The following ATG16L1 variants were observed in gnomAD, a reference collection of about 807,000 sequenced individuals.
ATG16L1 encodes autophagy-related protein 16-1.
Under a neutral mutation model 88.5 loss-of-function variants are expected in ATG16L1, and 37 were observed. That is an observed-to-expected ratio of 0.42 (90% CI 0.32 to 0.55). The LOEUF (loss-of-function observed/expected upper bound fraction) is 0.55. Among genes scored for constraint, ATG16L1 ranks in the 20% least tolerant of loss-of-function variants. The pLI is 0.13. For missense variants in ATG16L1, 554 were observed against 752.8 expected (o/e 0.74, Z 3.09); for synonymous variants, 301 against 281.0 (o/e 1.07, Z -0.71).
chr2:233,271,839 C>A (rs987050316), intron 6 of ATG16L1, among the ~76,000 whole-genome samples: 5 of 152,216 alleles, frequency 3.3e-5, no homozygotes, highest in African/African-American at 9.6e-5. Flanking sequence ...AACCTAGATC[C>A]CTGGGAAAGC....
At chr2:233,292,078 G>A in intron 14 of ATG16L1, 50 bp from the exon 15 acceptor site, 1 of 1,594,894 alleles carries the variant, frequency 6.3e-7, no homozygotes. Context: ...GGCATGATGT[G>A]AAGTAGTTCT....
At chr2:233,273,364 A>T (rs772901191) in intron 7 of ATG16L1, 2 of 493,098 alleles carry the variant, frequency 4.1e-6, no homozygotes, top group Non-Finnish European at 7.2e-6. Context: ...TTTCATTCTT[A>T]CTAGGGCTTC....
At chr2:233,281,226 C>T (rs147955017) in intron 11 of ATG16L1, 51 bp downstream of exon 11, 3 of 1,341,796 alleles carry the variant, frequency 2.2e-6, no homozygotes, top group Admixed American at 2.4e-5. Context: ...TAATTTAAGA[C>T]ATTAGGTTCT....
intron 12 of ATG16L1, among the ~76,000 whole-genome samples, chr2:233,287,643 C>T (rs6753686): frequency 0.091 from 13,923 of 152,178 alleles, 802 homozygotes; most frequent in African/African-American, 0.15. Context: ...TTTGGGAAGC[C>T]GAGGCAGGCG....
chr2:233,251,799 G>T lies in ATG16L1; in HGVS notation c.-29G>T, dbSNP rs1291174068. On this transcript the variant is annotated 5_prime_UTR_variant, in exon 1 of 18. Coordinates refer to ENST00000392017, the MANE Select transcript of ATG16L1 (RefSeq NM_030803.7). ...GCCGTCAGCCCTCGCTCGCATTGGT[G>T]GCGCTGAGGTGCCGGGGCAGCAAGT... is the stretch of plus-strand genomic sequence containing the variant. 1.3e-6 allele frequency: 2 copies of T among 1,542,752 alleles called. No individual in the cohort carries two copies. Among genetic ancestry groups the T allele is most frequent in the Non-Finnish European group, 8.8e-7 (1 of 1,141,078 alleles).
intron 5 of ATG16L1, among the ~76,000 whole-genome samples, chr2:233,268,020 T>C (rs1389263493): frequency 6.6e-6 from 1 of 152,246 alleles, no homozygotes; most frequent in African/African-American, 2.4e-5. Flanking sequence ...CCAGCTTAGA[T>C]GTCCCTCATC....
At chr2:233,275,346 G>T in intron 9 of ATG16L1, 1 of 225,180 alleles carries the variant, frequency 4.4e-6, no homozygotes, top group Non-Finnish European at 9.0e-6. Context: ...GAACCAGCCT[G>T]GGGAAACATT....
intron 5 of ATG16L1, among the ~76,000 whole-genome samples, chr2:233,268,639 A>T (rs1253730077): frequency 6.6e-6 from 1 of 152,230 alleles, no homozygotes; most frequent in Non-Finnish European, 1.5e-5. Context: ...AGTGGTACTC[A>T]CACACCTTAT....
At chr2:233,265,350 A>G (rs1697488971) in intron 5 of ATG16L1, among the ~76,000 whole-genome samples, 1 of 152,272 alleles carries the variant, frequency 6.6e-6, no homozygotes, top group Admixed American at 6.5e-5. Flanking sequence ...ATTCTTCCCC[A>G]TAATTTTGTG....
intron 12 of ATG16L1, chr2:233,288,978 A>G (rs1412959161): frequency 4.0e-6 from 2 of 497,134 alleles, no homozygotes; most frequent in Admixed American, 2.0e-5. Context: ...AATTGTTTAC[A>G]TAAGGAGTCC....
chr2:233,256,492 T>G (rs1292971582), intron 2 of ATG16L1, among the ~76,000 whole-genome samples: 1 of 152,180 alleles, frequency 6.6e-6, no homozygotes, highest in African/African-American at 2.4e-5. Flanking sequence ...CATGTTTTTT[T>G]GTTTCTTTGT....
At chr2:233,255,598 A>G (rs1258057772) in intron 1 of ATG16L1, among the ~76,000 whole-genome samples, 1 of 152,184 alleles carries the variant, frequency 6.6e-6, no homozygotes, top group African/African-American at 2.4e-5. Flanking sequence ...CCACTTACCA[A>G]AAGACTCTGT....
chr2:233,277,470 T>A, intron 9 of ATG16L1, 98 bp from the exon 10 acceptor site: 1 of 1,080,328 alleles, frequency 9.3e-7, no homozygotes, highest in East Asian at 2.5e-5. Context: ...TCTTTAAGGA[T>A]GAGTGTTTCC....
chr2:233,251,781 G>A lies in ATG16L1; in HGVS notation c.-47G>A. 1 of 1,516,860 alleles carries A rather than the reference G, an allele frequency of 6.6e-7. No individual in the cohort carries two copies. The highest frequency in any genetic ancestry group is 8.9e-7 in the Non-Finnish European group (1 of 1,119,024). The allele number at this position is 1,516,860 out of a possible 1,614,324, so 94.0% of individuals were successfully genotyped here. A position where few individuals can be genotyped will look rare whatever the true frequency, so the allele number is the denominator to read the frequency against. The stretch of plus-strand genomic sequence containing the variant: ...TTCATGCTGCAGGCTGCGGCCGTCA[G>A]CCCTCGCTCGCATTGGTGGCGCTGA... On this transcript the variant is annotated 5_prime_UTR_variant, in exon 1 of 18. Coordinates refer to ENST00000392017, the MANE Select transcript of ATG16L1 (RefSeq NM_030803.7).
intron 12 of ATG16L1, among the ~76,000 whole-genome samples, chr2:233,289,530 C>T (rs993506434): frequency 2.0e-5 from 3 of 152,012 alleles, no homozygotes; most frequent in African/African-American, 4.8e-5. Flanking sequence ...GGACCCCAGG[C>T]GCATGCCACC....
chr2:233,255,129 G>A (rs966504810), intron 1 of ATG16L1, among the ~76,000 whole-genome samples: 3 of 152,006 alleles, frequency 2.0e-5, no homozygotes, highest in Non-Finnish European at 4.4e-5. Flanking sequence ...AAGTGCCACC[G>A]TGCCTGGCTA....
At chr2:233,276,391 T>G (rs1698376215) in intron 9 of ATG16L1, among the ~76,000 whole-genome samples, 1 of 152,206 alleles carries the variant, frequency 6.6e-6, no homozygotes, top group South Asian at 2.1e-4. Flanking sequence ...TTGAAGCCAA[T>G]TCTAGGCATT....
intron 2 of ATG16L1, among the ~76,000 whole-genome samples, chr2:233,262,473 C>T (rs574665821): frequency 1.1e-4 from 17 of 152,310 alleles, no homozygotes; most frequent in East Asian, 3.9e-4. Flanking sequence ...CGTCCTTGAC[C>T]GCACCTCCTC....
chr2:233,273,632 C>T (rs1321369911), intron 7 of ATG16L1, 89 bp from the exon 8 acceptor site: 1 of 1,266,544 alleles, frequency 7.9e-7, no homozygotes, highest in Non-Finnish European at 1.1e-6. Context: ...AAACATATTC[C>T]CAGTTACCTG....
Sources: gnomAD v4.1 joint callset for allele counts (sites outside exome capture counted in the v4.1 genomes callset) on GRCh38, gnomAD v4.1.1 for gene constraint, MANE v1.5 for transcripts, NCBI Gene and HGNC (gene_info 2026-07-23, HGNC 2026-07-21) for gene names.